The following NBEA variants were observed in gnomAD, a reference collection of about 807,000 sequenced individuals.
NBEA encodes lysosomal-trafficking regulator 2.
In NBEA, 44 loss-of-function variants were observed where a neutral mutation model predicts 343.4. That is an observed-to-expected ratio of 0.13 (90% CI 0.10 to 0.16). NBEA has a LOEUF of 0.16. Among genes scored for constraint, NBEA ranks in the 10% least tolerant of loss-of-function variants. The pLI, the probability that NBEA is intolerant of heterozygous loss-of-function variation, is 1.00. For synonymous variants in NBEA, 1,175 were observed against 1,238.7 expected, an observed-to-expected ratio of 0.95 and a Z score of 1.08; for missense variants, 2,555 against 3,631.3, an observed-to-expected ratio of 0.70 and a Z score of 7.62.
At chr13:34,977,685 T>C (rs1386535528) in intron 1 of NBEA, among the ~76,000 whole-genome samples, 1 of 152,232 alleles carries the variant, frequency 6.6e-6, no homozygotes, top group Non-Finnish European at 1.5e-5. Flanking sequence ...TTCATTTTGA[T>C]AGTTGGAGTC....
At chr13:34,947,312 T>A (rs958993118) in intron 1 of NBEA, among the ~76,000 whole-genome samples, 2 of 152,142 alleles carry the variant, frequency 1.3e-5, no homozygotes, top group Admixed American at 6.5e-5. Flanking sequence ...TAAATAAATG[T>A]TTTGTGTATT....
chr13:34,975,034 T>C (rs1351801823), intron 1 of NBEA, among the ~76,000 whole-genome samples: 1 of 152,160 alleles, frequency 6.6e-6, no homozygotes, highest in Non-Finnish European at 1.5e-5. Context: ...TAAAGTCCTG[T>C]TATCCACAAT....
intron 35 of NBEA, among the ~76,000 whole-genome samples, chr13:35,307,092 A>G (rs971655958): frequency 1.3e-5 from 2 of 152,062 alleles, no homozygotes; most frequent in Admixed American, 1.3e-4. Flanking sequence ...TATCCTGGTC[A>G]TGTACATTGA....
At chr13:35,419,719 A>C (rs901367910) in intron 38 of NBEA, among the ~76,000 whole-genome samples, 3 of 151,296 alleles carry the variant, frequency 2.0e-5, no homozygotes, top group African/African-American at 7.3e-5. Flanking sequence ...ATCTACCCCC[A>C]CCCCCCGAAA....
At chr13:35,655,267 T>A (rs1179627512) in intron 54 of NBEA, among the ~76,000 whole-genome samples, 6 of 152,118 alleles carry the variant, frequency 3.9e-5, no homozygotes, top group African/African-American at 1.4e-4. Context: ...CAGTAAAAGA[T>A]CCTAAAACTC....
intron 38 of NBEA, among the ~76,000 whole-genome samples, chr13:35,410,623 C>A (rs992436823): frequency 2.0e-5 from 3 of 152,116 alleles, no homozygotes; most frequent in African/African-American, 7.2e-5. Context: ...AAGTTCAGGA[C>A]ACTTTTGTAA....
chr13:35,440,248 C>T (rs2045665544), intron 39 of NBEA, among the ~76,000 whole-genome samples: 1 of 152,130 alleles, frequency 6.6e-6, no homozygotes, highest in South Asian at 2.1e-4. Context: ...TGGGTAACAA[C>T]ATTGAAGGAT....
At chr13:35,441,111 C>T (rs2126355) in intron 39 of NBEA, among the ~76,000 whole-genome samples, 146,482 of 152,256 alleles carry the variant, frequency 0.96, 70,713 homozygotes, top group East Asian at 1. Context: ...ATTTTCTCTT[C>T]CTTCCATGTC....
chr13:35,489,781 C>T (rs1349225123), intron 41 of NBEA, among the ~76,000 whole-genome samples: 1 of 151,758 alleles, frequency 6.6e-6, no homozygotes, highest in East Asian at 1.9e-4. Context: ...AATAAAAGCT[C>T]ATTAAAAAAT....
At chr13:35,053,480 C>T (rs913532885) in intron 6 of NBEA, among the ~76,000 whole-genome samples, 1 of 151,984 alleles carries the variant, frequency 6.6e-6, no homozygotes, top group Non-Finnish European at 1.5e-5. Flanking sequence ...CTCTATTTGT[C>T]TTTCCTTCCC....
intron 21 of NBEA, among the ~76,000 whole-genome samples, chr13:35,157,504 A>T (rs1399731854): frequency 6.6e-6 from 1 of 152,174 alleles, no homozygotes; most frequent in Non-Finnish European, 1.5e-5. Flanking sequence ...CAAAGCTGAC[A>T]TACATCTGTT....
intron 45 of NBEA, among the ~76,000 whole-genome samples, chr13:35,579,814 C>G (rs757792193): frequency 6.6e-6 from 1 of 151,952 alleles, no homozygotes; most frequent in Non-Finnish European, 1.5e-5. Flanking sequence ...TTAGGAAAAC[C>G]AAGCTTTTTG....
At chr13:35,447,180 A>G (rs1453206935) in intron 39 of NBEA, among the ~76,000 whole-genome samples, 1 of 152,126 alleles carries the variant, frequency 6.6e-6, no homozygotes, top group African/African-American at 2.4e-5. Context: ...CATTCCAGGT[A>G]GACATATTCT....
At chr13:35,013,474 CTT>C (rs200665719) in intron 1 of NBEA, among the ~76,000 whole-genome samples, 19 of 144,376 alleles carry the variant, frequency 1.3e-4, no homozygotes, top group Non-Finnish European at 1.4e-4. Flanking sequence ...AAACATGTAT[CTT>C]TTTTTTTTTT....
intron 46 of NBEA, among the ~76,000 whole-genome samples, chr13:35,587,789 T>G (rs2081353893): frequency 6.6e-6 from 1 of 152,112 alleles, no homozygotes; most frequent in South Asian, 2.1e-4. Flanking sequence ...TTAAGTAGAT[T>G]TATTATTCCA....
chr13:35,221,925 T>TTTC (rs1309677717), intron 33 of NBEA, among the ~76,000 whole-genome samples: 1 of 152,128 alleles, frequency 6.6e-6, no homozygotes, highest in African/African-American at 2.4e-5. Flanking sequence ...CATCTTAGAG[T>TTTC]TTCTTCTTCA....
chr13:34,963,784 G>A (rs961779412), intron 1 of NBEA, among the ~76,000 whole-genome samples: 1 of 151,602 alleles, frequency 6.6e-6, no homozygotes, highest in African/African-American at 2.4e-5. Context: ...AGTATCAGCG[G>A]AAAAGCCCAA....
chr13:35,376,963 TA>T (rs1027828488), intron 38 of NBEA, among the ~76,000 whole-genome samples: 6 of 152,098 alleles, frequency 3.9e-5, no homozygotes. Flanking sequence ...TCCATACTGG[TA>T]AAAGGATAAA....
intron 40 of NBEA, among the ~76,000 whole-genome samples, chr13:35,457,801 G>A (rs6562975): frequency 0.96 from 145,370 of 152,198 alleles, 69,766 homozygotes; most frequent in East Asian, 1. Flanking sequence ...GCAGAGATGG[G>A]GTTTCACCGT....
Sources: gnomAD v4.1 joint callset for allele counts (sites outside exome capture counted in the v4.1 genomes callset) on GRCh38, gnomAD v4.1.1 for gene constraint, MANE v1.5 for transcripts, NCBI Gene and HGNC (gene_info 2026-07-23, HGNC 2026-07-21) for gene names.